Variants in CADPS2 observed in about 807,000 individuals in gnomAD.
CADPS2 encodes calcium dependent secretion activator 2.
CADPS2 carries 93 observed loss-of-function variants against 172.5 expected under a neutral mutation model. The observed-to-expected ratio is 0.54, with a 90% CI of 0.46 to 0.64. CADPS2 has a LOEUF of 0.64. Ranked by LOEUF, CADPS2 falls within the 30% of genes least tolerant of loss-of-function variation. The pLI, the probability that CADPS2 is intolerant of heterozygous loss-of-function variation, is 0.00. For synonymous variants in CADPS2, 546 were observed against 555.2 expected (o/e 0.98, Z 0.23); for missense variants, 1,420 against 1,565.9 (o/e 0.91, Z 1.57).
intron 25 of CADPS2, among the ~76,000 whole-genome samples, chr7:122,378,453 T>C (rs915175082): frequency 4.6e-5 from 7 of 152,194 alleles, no homozygotes; most frequent in Admixed American, 3.3e-4. Context: ...TATACTATTG[T>C]AGCTTACTTT....
chr7:122,833,725 G>C (rs1807357835), intron 1 of CADPS2, among the ~76,000 whole-genome samples: 1 of 152,116 alleles, frequency 6.6e-6, no homozygotes, highest in African/African-American at 2.4e-5. Context: ...GCTGAAGAAA[G>C]AGAAGTGGTT....
intron 14 of CADPS2, among the ~76,000 whole-genome samples, chr7:122,461,414 T>G (rs1486017222): frequency 6.6e-6 from 1 of 152,096 alleles, no homozygotes; most frequent in Non-Finnish European, 1.5e-5. Flanking sequence ...GCAGGTAGAT[T>G]AGAAATTCAT....
At chr7:122,485,149 A>C (rs1166575826) in intron 11 of CADPS2, among the ~76,000 whole-genome samples, 1 of 152,194 alleles carries the variant, frequency 6.6e-6, no homozygotes, top group African/African-American at 2.4e-5. Flanking sequence ...ACAATATTAA[A>C]ATTAGGCTAA....
At chr7:122,665,529 T>C (rs896448114) in intron 2 of CADPS2, among the ~76,000 whole-genome samples, 1 of 152,224 alleles carries the variant, frequency 6.6e-6, no homozygotes, top group Non-Finnish European at 1.5e-5. Flanking sequence ...TTAATACACC[T>C]AACTTACCTG....
chr7:122,415,926 T>C, intron 18 of CADPS2, 135 bp downstream of exon 18: 1 of 481,904 alleles, frequency 2.1e-6, no homozygotes, highest in East Asian at 2.9e-5. Flanking sequence ...AGTGAAACAC[T>C]GCTTATCGTT....
In CADPS2 at chr7:122,451,389, T is replaced by C. The variant is rs1366191678; in HGVS notation, c.2273A>G (p.Gln758Arg). Residue 758 changes from glutamine (Q) to arginine (R), a missense_variant, in exon 15 of 30, where the codon CAG becomes CGG. Transcript: ENST00000449022. ...KERLSSLLEN[Q>R]ISHFRYCFPF... The stretch of plus-strand genomic sequence containing the variant: ...AAATATATACCTGAAATGGCTTATC[T>C]GATTTTCTAAAAGGGAAGAGAGTCT... The C allele has an allele frequency of 7.2e-6, 11 of 1,522,740 alleles. No homozygotes were observed. The highest frequency in any genetic ancestry group is 8.9e-6 in the Non-Finnish European group (10 of 1,126,250). The allele number at this position is 1,522,740 out of a possible 1,614,324, so 94.3% of individuals were successfully genotyped here.
intron 1 of CADPS2, among the ~76,000 whole-genome samples, chr7:122,844,625 A>G (rs896202869): frequency 1.3e-5 from 2 of 152,232 alleles, no homozygotes; most frequent in South Asian, 2.1e-4. Context: ...ACTAAATAGA[A>G]AAGTCTTTTT....
intron 8 of CADPS2, among the ~76,000 whole-genome samples, chr7:122,546,224 C>G (rs1402394081): frequency 6.6e-6 from 1 of 152,066 alleles, no homozygotes; most frequent in East Asian, 1.9e-4. Flanking sequence ...TATAATCTTC[C>G]CCAGTATTGT....
chr7:122,849,625 C>A, intron 1 of CADPS2: 2 of 262,652 alleles, frequency 7.6e-6, no homozygotes, highest in Non-Finnish European at 1.5e-5. Context: ...TGTTATTAAG[C>A]ATTTATATGT....
At position 122,745,150 on chromosome 7, in the gene CADPS2, G is replaced by A. The variant is rs541363755; in HGVS notation, c.340-8082C>T. On this transcript the variant is annotated intron_variant, in intron 1 of 29. Transcript: ENST00000449022. ...GTGTGTGTGTGTGCATGGCAGGAGC[G>A]GTGAGAACATTTAAGGTCTACTCTT... 1.8e-4 allele frequency among the ~76,000 whole-genome samples: 28 copies of A among 151,486 alleles called. 1 individual carries two copies. The South Asian group carries it at 2.5e-3, about 14-fold the overall frequency.
intron 2 of CADPS2, among the ~76,000 whole-genome samples, chr7:122,731,926 TCA>T (rs2091684094): frequency 6.6e-6 from 1 of 151,754 alleles, no homozygotes; most frequent in Non-Finnish European, 1.5e-5. Context: ...TGAAGAAATT[TCA>T]CAAACATACT....
intron 28 of CADPS2, among the ~76,000 whole-genome samples, chr7:122,340,377 T>C (rs1288494297): frequency 6.6e-6 from 1 of 152,192 alleles, no homozygotes; most frequent in Non-Finnish European, 1.5e-5. Context: ...AATGAGATAG[T>C]TTCCAAGGGA....
chr7:122,547,235 C>A (rs1203254561), intron 8 of CADPS2, among the ~76,000 whole-genome samples: 1 of 152,112 alleles, frequency 6.6e-6, no homozygotes, highest in Non-Finnish European at 1.5e-5. Context: ...TAAATGTTGA[C>A]AGGCAACAAG....
In CADPS2 at chr7:122,596,140, C is replaced by A. The variant is rs1371848037; in HGVS notation, c.1224-14850G>T. Reference sequence around the variant, plus strand: ...TGTTACTCAGGGAAGGGAGCCCCACCTGCTGTGGATTTCCCATGGCCACAG... The same window carrying A: ...TGTTACTCAGGGAAGGGAGCCCCACATGCTGTGGATTTCCCATGGCCACAG... On this transcript the variant is annotated intron_variant, in intron 6 of 29. Transcript: ENST00000449022. Among the ~76,000 whole-genome samples, 3 of 152,102 alleles carry A rather than the reference C, an allele frequency of 2.0e-5. No homozygotes were observed. In the East Asian group the frequency reaches 5.8e-4, roughly 29 times the overall value.
chr7:122,721,217 CA>C (rs2090352663), intron 2 of CADPS2, among the ~76,000 whole-genome samples: 1 of 151,862 alleles, frequency 6.6e-6, no homozygotes, highest in Non-Finnish European at 1.5e-5. Context: ...CTTAGAGACA[CA>C]AAAAACCCTT....
At chr7:122,323,891 A>T (rs1464659653) in intron 29 of CADPS2, among the ~76,000 whole-genome samples, 1 of 15,046 alleles carries the variant, frequency 6.6e-5, no homozygotes, top group African/African-American at 1.1e-4. Context: ...ATATATATAT[A>T]TATATATATA....
intron 2 of CADPS2, chr7:122,702,332 A>G (rs746507825): frequency 6.2e-7 from 1 of 1,613,826 alleles, no homozygotes; most frequent in Admixed American, 1.7e-5. Flanking sequence ...AGACATGGGA[A>G]ATACTTTACT....
intron 27 of CADPS2, among the ~76,000 whole-genome samples, chr7:122,351,584 T>C (rs977674316): frequency 3.3e-5 from 5 of 151,856 alleles, no homozygotes; most frequent in African/African-American, 1.2e-4. Flanking sequence ...CTTTTAGATT[T>C]AGAGCATGTA....
chr7:122,421,353 G>A (rs2048505972), intron 17 of CADPS2, among the ~76,000 whole-genome samples: 1 of 152,088 alleles, frequency 6.6e-6, no homozygotes, highest in Admixed American at 6.6e-5. Flanking sequence ...ATCTGTACTT[G>A]CAGCTAAACA....
Sources: gnomAD v4.1 joint callset for allele counts (sites outside exome capture counted in the v4.1 genomes callset) on GRCh38, gnomAD v4.1.1 for gene constraint, MANE v1.5 for transcripts, NCBI Gene and HGNC (gene_info 2026-07-23, HGNC 2026-07-21) for gene names.